The following TTLL12 variants were observed in gnomAD, a reference collection of about 807,000 sequenced individuals.
TTLL12 encodes tubulin--tyrosine ligase-like protein 12.
TTLL12 carries 77 observed loss-of-function variants against 79.6 expected under a neutral mutation model. That is an observed-to-expected ratio of 0.97 (90% CI 0.81 to 1.17). The LOEUF is 1.17. Ranked by LOEUF, TTLL12 falls within the 50% of genes most tolerant of loss-of-function variation. The probability of loss-of-function intolerance (pLI) is 0.00; values close to 1 mark genes in which losing one functional copy is unlikely to be tolerated. For synonymous variants in TTLL12, 437 were observed against 376.1 expected (o/e 1.16, Z -1.87); for missense variants, 969 against 895.9 (o/e 1.08, Z -1.04).
At position 43,179,663 on chromosome 22, in the gene TTLL12, C is replaced by A; in HGVS notation, c.796G>T (p.Asp266Tyr). Residue 266 changes from aspartate (D) to tyrosine (Y), a missense_variant, in exon 5 of 14, where the codon GAC becomes TAC. Transcript: ENST00000216129. ...GGCTCGGGTGTGCAAGAGCTGAGGT[C>A]CAGCATGTCGGTGGGGGCCCAGGGC... is the stretch of plus-strand genomic sequence containing the variant. ...LLPWAPTDMLDLSSCTPEPPA... is the reference protein window; with the variant it reads ...LLPWAPTDMLYLSSCTPEPPA... 1 of 1,582,600 alleles carries A rather than the reference C, an allele frequency of 6.3e-7. No individual in the cohort carries two copies. Among genetic ancestry groups the A allele is most frequent in the Non-Finnish European group, 8.6e-7 (1 of 1,164,934 alleles).
At chr22:43,186,856 C>A in intron 1 of TTLL12, 37 bp downstream of exon 1, 1 of 1,249,682 alleles carries the variant, frequency 8.0e-7, no homozygotes, top group Non-Finnish European at 1.0e-6. Flanking sequence ...GCGCTCCCAC[C>A]CCGGCCGCCG....
chr22:43,173,653 C>T, intron 9 of TTLL12, 62 bp downstream of exon 9: 1 of 1,517,102 alleles, frequency 6.6e-7, no homozygotes, highest in Non-Finnish European at 9.0e-7. Flanking sequence ...GTCCCCTTAG[C>T]CCCACCTCTC....
intron 11 of TTLL12, 49 bp from the exon 12 acceptor site, chr22:43,169,617 C>T: frequency 6.3e-7 from 1 of 1,593,436 alleles, no homozygotes; most frequent in African/African-American, 1.3e-5. Flanking sequence ...CTCCGCTGGG[C>T]CGGGAGCAGG....
In TTLL12 at chr22:43,167,633, G is replaced by A. The variant is rs540583250; in HGVS notation, c.*375C>T. ...CCTGCTCCCGAGGACACCTTGTCTCGCTCCACGGAACCCTTCCCCCAGCAC... is the reference window on the plus strand; with the variant it reads ...CCTGCTCCCGAGGACACCTTGTCTCACTCCACGGAACCCTTCCCCCAGCAC... On this transcript the variant is annotated 3_prime_UTR_variant, in exon 14 of 14. Coordinates refer to ENST00000216129, the MANE Select transcript of TTLL12 (RefSeq NM_015140.4). 13 of 194,312 alleles carry A rather than the reference G, an allele frequency of 6.7e-5. No homozygotes were observed. Among genetic ancestry groups the A allele is most frequent in the East Asian group, 2.8e-4 (2 of 7,254 alleles). 12.0% of individuals were successfully genotyped at this position (194,312 alleles called of 1,614,324 possible).
chr22:43,180,101 T>C (rs1932017509), intron 3 of TTLL12, 101 bp from the exon 4 acceptor site: 39 of 1,405,346 alleles, frequency 2.8e-5, no homozygotes, highest in Non-Finnish European at 3.7e-5. Flanking sequence ...GCCATTTCTC[T>C]GATCTTGGAG....
chr22:43,181,828 G>C (rs73163912), intron 2 of TTLL12, among the ~76,000 whole-genome samples: 12,997 of 152,270 alleles, frequency 0.085, 622 homozygotes, highest in Non-Finnish European at 0.11. Context: ...TAAAATAAGT[G>C]GGTTTACTCT....
rs1191193348 is a variant in TTLL12, at chr22:43,173,781, G to A, written c.1275C>T (p.Arg425=). ...TCTTGGTGACGTGGGTGTCCAGGCT[G>A]CGCGCCAGGTTCCAGGGCTTGCAGA... ...HWICKPWNLA[R]SLDTHVTKSL... The change falls in exon 9 of 14, where the codon CGC becomes CGT. Residue 425 remains arginine, a synonymous_variant. Transcript: ENST00000216129. 1 of 1,604,958 alleles carries A rather than the reference G, an allele frequency of 6.2e-7. No individual in the cohort carries two copies. The highest frequency in any genetic ancestry group is 2.2e-5 in the East Asian group (1 of 44,868).
intron 1 of TTLL12, among the ~76,000 whole-genome samples, chr22:43,183,509 G>C (rs530334884): frequency 2.6e-5 from 4 of 152,338 alleles, no homozygotes; most frequent in East Asian, 1.9e-4. Context: ...AAGGCAGAGA[G>C]GGTGGCTCCA....
chr22:43,170,345 T>A (rs1490827471), intron 11 of TTLL12: 1 of 199,054 alleles, frequency 5.0e-6, no homozygotes, highest in Non-Finnish European at 1.0e-5. Flanking sequence ...ACAGGACCAC[T>A]CGGCCCCTGT....
rs766195373 is a variant in TTLL12, at chr22:43,172,386, G to C, written c.1493+17C>G. The C allele has an allele frequency of 2.5e-6, 4 of 1,613,072 alleles. No individual in the cohort carries two copies. In the African/African-American group the frequency reaches 4.0e-5, roughly 16 times the overall value. ...ACCCAGCTCCCCGACCCTGGACCCA[G>C]CCGGCCCTCCACTTACCGGTTGGAG... On this transcript the variant is annotated intron_variant, in intron 10 of 13. Transcript: ENST00000216129.
chr22:43,183,256 C>T (rs1932104439), intron 1 of TTLL12, 107 bp from the exon 2 acceptor site: 2 of 1,380,690 alleles, frequency 1.4e-6, no homozygotes, highest in African/African-American at 1.4e-5. Flanking sequence ...GCCTCAAGGA[C>T]AAACTTGTCT....
Position 43,179,719 on chromosome 22 carries a change from G to A in TTLL12, c.740C>T (p.Thr247Met), listed in dbSNP as rs748021901. 3.5e-5 allele frequency: 54 copies of A among 1,564,992 alleles called. No homozygotes were observed. Among genetic ancestry groups the A allele is most frequent in the Non-Finnish European group, 4.4e-5 (51 of 1,154,982 alleles). Residue 247 changes from threonine (T) to methionine (M), a missense_variant, in exon 5 of 14, where the codon ACG (threonine) becomes ATG (methionine). Physicochemically the swap from Thr to Met is moderately conservative, Grantham distance 81 (BLOSUM62 -1). Coordinates refer to ENST00000216129, the MANE Select transcript of TTLL12 (RefSeq NM_015140.4). The part of the protein sequence containing the change: ...EVTRDFAYGE[T>M]DPLIRKCMLL... ...CATGCACTTCCGGATCAGGGGGTCC[G>A]TCTCTCCGTAGGCAAAGTCTCGGGT...
chr22:43,182,007 GGAAGCAGAAAGGCCCGGAAGCAGA>G (rs1932069918), intron 2 of TTLL12, among the ~76,000 whole-genome samples: 7 of 106,240 alleles, frequency 6.6e-5, no homozygotes, highest in Non-Finnish European at 1.2e-4. Flanking sequence ...ATGAAGGCCC[GGAAGCAGAAAGGCCCGGAAGCAGA>G]AAGGCCCGGA....
chr22:43,176,580 A>C (rs542649223), intron 5 of TTLL12, among the ~76,000 whole-genome samples, 184 bp from the exon 6 acceptor site: 1 of 152,112 alleles, frequency 6.6e-6, no homozygotes, highest in South Asian at 2.1e-4. Context: ...GAATATAAAA[A>C]TTAGCCAGGC....
At chr22:43,186,197 C>T (rs1023440962) in intron 1 of TTLL12, among the ~76,000 whole-genome samples, 1 of 148,340 alleles carries the variant, frequency 6.7e-6, no homozygotes, top group Non-Finnish European at 1.5e-5. Flanking sequence ...ACACCCCCCC[C>T]CCCGCCAGCC....
At chr22:43,181,935 T>C (rs1337682001) in intron 2 of TTLL12, among the ~76,000 whole-genome samples, 7 of 148,520 alleles carry the variant, frequency 4.7e-5, no homozygotes, top group African/African-American at 7.3e-5. Context: ...TGTACAAAGA[T>C]AGCTATGGGG....
In TTLL12 at chr22:43,169,551, G is replaced by A. The variant is rs776511940; in HGVS notation, c.1593C>T (p.Phe531=). The A allele has an allele frequency of 6.2e-7, 1 of 1,612,336 alleles. No homozygotes were observed. The highest frequency in any genetic ancestry group is 8.5e-7 in the Non-Finnish European group (1 of 1,178,918). The change falls in exon 12 of 14, where the codon TTC becomes TTT. Residue 531 remains phenylalanine (F), a synonymous_variant. Transcript: ENST00000216129. ...VVLKQVHCEE[F]IPEFEKQYPE... ...GGTATTGCTTCTCAAACTCGGGGAT[G>A]AACTCTTCACAGTGCACCTGCAACA...
At chr22:43,182,957 G>A in intron 2 of TTLL12, 23 bp downstream of exon 2, 1 of 1,606,950 alleles carries the variant, frequency 6.2e-7, no homozygotes, top group Non-Finnish European at 8.5e-7. Context: ...AGGTTGTGGT[G>A]GTGTCTCTGG....
At chr22:43,175,450 C>G (rs926852364) in intron 6 of TTLL12, 3 of 152,246 alleles carry the variant, frequency 2.0e-5, no homozygotes, top group Non-Finnish European at 4.4e-5. Flanking sequence ...CTGGCATGCA[C>G]AGGCCTGGCT....
Sources: gnomAD v4.1 joint callset for allele counts (sites outside exome capture counted in the v4.1 genomes callset) on GRCh38, gnomAD v4.1.1 for gene constraint, MANE v1.5 for transcripts, NCBI Gene and HGNC (gene_info 2026-07-23, HGNC 2026-07-21) for gene names.